NIPBL: variants seen among roughly 807,000 people sequenced by gnomAD.
NIPBL encodes the protein nipped-B-like protein.
A neutral mutation model predicts 321.8 loss-of-function variants in NIPBL; 19 were observed. The ratio of observed to expected loss-of-function variants is 0.06; its 90% CI spans 0.04 to 0.09. NIPBL has a LOEUF of 0.09. NIPBL is among the 10% of genes least tolerant of loss of function. The pLI is 1.00. For missense variants in NIPBL, 2,210 were observed against 3,327.0 expected, an observed-to-expected ratio of 0.66 and a Z score of 8.26; for synonymous variants, 1,106 against 1,114.1, an observed-to-expected ratio of 0.99 and a Z score of 0.14.
chr5:37,023,992 C>T (rs955587687), intron 29 of NIPBL, among the ~76,000 whole-genome samples: 1 of 151,782 alleles, frequency 6.6e-6, no homozygotes, highest in African/African-American at 2.4e-5. Context: ...TGGTGAAACA[C>T]TGTTTCTACT....
chr5:37,012,574 G>T (rs1475407820), intron 21 of NIPBL, among the ~76,000 whole-genome samples: 2 of 151,740 alleles, frequency 1.3e-5, no homozygotes, highest in Non-Finnish European at 2.9e-5. Flanking sequence ...GTGAACAAAG[G>T]TCTCTGGTTT....
chr5:37,010,060 C>T (rs1472410233), intron 20 of NIPBL, 27 bp from the exon 21 acceptor site: 1 of 1,548,918 alleles, frequency 6.5e-7, no homozygotes, highest in South Asian at 1.1e-5. Flanking sequence ...CTTGATACTC[C>T]ATACAAATTT....
At position 36,953,744 on chromosome 5, in the gene NIPBL, T is replaced by C. The variant is rs1416136879; in HGVS notation, c.48T>C (p.Ile16=). Reference sequence around the variant, plus strand: ...TCCCCATTACTACTCTTGCGGGGATTGCTAGTCTCACAGACCGTAAGTTTG... The same window carrying C: ...TCCCCATTACTACTCTTGCGGGGATCGCTAGTCTCACAGACCGTAAGTTTG... The part of the protein sequence containing the change: ...PHVPITTLAG[I]ASLTDLLNQL... The change falls in exon 2 of 47, where the codon ATT becomes ATC. Residue 16 remains isoleucine, a synonymous_variant. Transcript: ENST00000282516. The C allele has an allele frequency of 3.7e-6, 6 of 1,613,512 alleles. 1 individual carries two copies. The Admixed American group carries it at 1.0e-4, about 27-fold the overall frequency.
intron 25 of NIPBL, among the ~76,000 whole-genome samples, chr5:37,020,094 ACCTT>A (rs1749454570): frequency 6.6e-6 from 1 of 152,196 alleles, no homozygotes; most frequent in African/African-American, 2.4e-5. Flanking sequence ...GAAGTCTTCT[ACCTT>A]CAGCATTTTA....
intron 5 of NIPBL, among the ~76,000 whole-genome samples, chr5:36,961,891 T>C (rs1741668326): frequency 6.6e-6 from 1 of 152,220 alleles, no homozygotes. Context: ...ATTGGTACTT[T>C]TATATAAGTA....
At chr5:36,912,121 A>G (rs1273781725) in intron 1 of NIPBL, among the ~76,000 whole-genome samples, 2 of 152,200 alleles carry the variant, frequency 1.3e-5, no homozygotes, top group African/African-American at 4.8e-5. Flanking sequence ...ATAAATCCTA[A>G]AATCTTAGAG....
chr5:36,979,109 T>G (rs1429948181), intron 9 of NIPBL, among the ~76,000 whole-genome samples: 1 of 152,030 alleles, frequency 6.6e-6, no homozygotes, highest in Non-Finnish European at 1.5e-5. Flanking sequence ...GGATAGTTTT[T>G]CCAGTTCTTT....
chr5:36,901,088 C>T (rs998588748), intron 1 of NIPBL, among the ~76,000 whole-genome samples: 1 of 152,116 alleles, frequency 6.6e-6, no homozygotes, highest in Non-Finnish European at 1.5e-5. Context: ...AGTTTTTGAT[C>T]TCCACCCTTC....
chr5:36,982,539 A>G (rs1416536993), intron 9 of NIPBL, among the ~76,000 whole-genome samples: 1 of 151,830 alleles, frequency 6.6e-6, no homozygotes, highest in Non-Finnish European at 1.5e-5. Context: ...GTATATACTG[A>G]AAAACAATGG....
chr5:36,923,743 C>T (rs1359268413), intron 1 of NIPBL, among the ~76,000 whole-genome samples: 2 of 152,090 alleles, frequency 1.3e-5, no homozygotes, highest in African/African-American at 4.8e-5. Context: ...AAATGAGACT[C>T]TAAGGGGATA....
intron 29 of NIPBL, among the ~76,000 whole-genome samples, chr5:37,023,093 T>C (rs752860325): frequency 6.6e-6 from 1 of 152,122 alleles, no homozygotes; most frequent in Non-Finnish European, 1.5e-5. Flanking sequence ...ATGACAAGAG[T>C]TTATTTTGTC....
intron 9 of NIPBL, among the ~76,000 whole-genome samples, chr5:36,980,689 A>G (rs1423530388): frequency 6.6e-6 from 1 of 151,680 alleles, no homozygotes; most frequent in Non-Finnish European, 1.5e-5. Flanking sequence ...GTTTATGTGA[A>G]TATACTATAT....
At chr5:36,932,148 T>C (rs1018154171) in intron 1 of NIPBL, among the ~76,000 whole-genome samples, 2 of 152,206 alleles carry the variant, frequency 1.3e-5, no homozygotes, top group African/African-American at 2.4e-5. Flanking sequence ...TAATGAGATT[T>C]ATTTCATGGT....
rs150184708 is a variant in NIPBL at position 36,930,176 on chromosome 5, A to G, written c.-79-23442A>G. Among the ~76,000 whole-genome samples the G allele has an allele frequency of 1.7e-3, 262 of 152,186 alleles. 1 individual carries two copies. The highest frequency in any genetic ancestry group is 6.0e-3 in the African/African-American group (248 of 41,556). On this transcript the variant is annotated intron_variant, in intron 1 of 46. Coordinates refer to ENST00000282516, the MANE Select transcript of NIPBL (RefSeq NM_133433.4). ...AGATCAATTTGAAGAGAATTACCATATTAACAATTTTGAGTCTTCTAATTT... is the reference window on the plus strand; with the variant it reads ...AGATCAATTTGAAGAGAATTACCATGTTAACAATTTTGAGTCTTCTAATTT...
At chr5:36,911,276 T>C (rs1179936092) in intron 1 of NIPBL, among the ~76,000 whole-genome samples, 1 of 152,200 alleles carries the variant, frequency 6.6e-6, no homozygotes, top group East Asian at 1.9e-4. Flanking sequence ...TTTTAATGAG[T>C]CATTATTACT....
intron 1 of NIPBL, among the ~76,000 whole-genome samples, chr5:36,897,179 T>C (rs1176101463): frequency 3.9e-5 from 6 of 151,940 alleles, no homozygotes; most frequent in Non-Finnish European, 7.4e-5. Context: ...ATTTTTTGTT[T>C]TTTTAGTAGA....
chr5:36,888,909 A>G (rs924442995), intron 1 of NIPBL, among the ~76,000 whole-genome samples: 8 of 152,158 alleles, frequency 5.3e-5, no homozygotes, highest in Admixed American at 2.0e-4. Flanking sequence ...AAGAAGTAAT[A>G]TGTGCTATAT....
intron 1 of NIPBL, among the ~76,000 whole-genome samples, chr5:36,895,333 G>A (rs1746651512): frequency 6.6e-6 from 1 of 152,202 alleles, no homozygotes; most frequent in Admixed American, 6.5e-5. Flanking sequence ...ATACTCCATT[G>A]TATGGATATA....
In NIPBL at chr5:36,998,416, A is replaced by G. The variant is rs576086390; in HGVS notation, c.3305-1957A>G. On this transcript the variant is annotated intron_variant, in intron 11 of 46. Transcript: ENST00000282516. ...CTATGTAATTACAAACCACTATAAG[A>G]TTCTTCAAGCATTTTCTACTCATAG... Among the ~76,000 whole-genome samples, 8 of 152,276 alleles carry G rather than the reference A, an allele frequency of 5.3e-5. No homozygotes were observed. In the South Asian group the frequency reaches 1.7e-3, roughly 32 times the overall value.
Sources: gnomAD v4.1 joint callset for allele counts (sites outside exome capture counted in the v4.1 genomes callset) on GRCh38, gnomAD v4.1.1 for gene constraint, MANE v1.5 for transcripts, NCBI Gene and HGNC (gene_info 2026-07-23, HGNC 2026-07-21) for gene names.